The following VTI1A variants were observed in gnomAD, a reference collection of about 807,000 sequenced individuals.
The protein encoded by VTI1A is vesicle transport through interaction with t-SNAREs homolog 1A.
Under a neutral mutation model 34.9 loss-of-function variants are expected in VTI1A, and 22 were observed. The ratio of observed to expected loss-of-function variants is 0.63; its 90% CI spans 0.45 to 0.90. The LOEUF (loss-of-function observed/expected upper bound fraction) is 0.90. VTI1A is among the 40% of genes least tolerant of loss of function. The probability of loss-of-function intolerance (pLI) is 0.00; values close to 1 mark genes in which losing one functional copy is unlikely to be tolerated. For synonymous variants in VTI1A, 87 were observed against 97.3 expected, an observed-to-expected ratio of 0.89 and a Z score of 0.62; for missense variants, 268 against 275.6, an observed-to-expected ratio of 0.97 and a Z score of 0.20.
intron 7 of VTI1A, among the ~76,000 whole-genome samples, chr10:112,810,130 T>A (rs1853232668): frequency 6.6e-6 from 1 of 151,266 alleles, no homozygotes; most frequent in South Asian, 2.1e-4. Flanking sequence ...CGGCCTGGCA[T>A]GGTGGCTCAC....
intron 7 of VTI1A, among the ~76,000 whole-genome samples, chr10:112,783,776 G>A (rs1466781708): frequency 6.6e-6 from 1 of 152,216 alleles, no homozygotes; most frequent in Non-Finnish European, 1.5e-5. Flanking sequence ...GGAGGCAGGT[G>A]GTGACAAAGG....
intron 7 of VTI1A, chr10:112,737,621 G>T: frequency 9.5e-7 from 1 of 1,048,636 alleles, no homozygotes; most frequent in Non-Finnish European, 1.2e-6. Context: ...TGAAGGCAAA[G>T]CCTCTATGTG....
Position 112,637,443 on chromosome 10 carries a change from C to T in VTI1A, c.428-30775C>T, listed in dbSNP as rs529447021. On this transcript the variant is annotated intron_variant, in intron 5 of 7. Coordinates refer to ENST00000393077, the MANE Select transcript of VTI1A (RefSeq NM_145206.4). ...CAGCACTTTGGGAGGCCAAGGTGGG[C>T]GGATCACGAGGTCAAGAGATCCTGG... 2.6e-5 allele frequency among the ~76,000 whole-genome samples: 4 copies of T among 152,120 alleles called. No homozygotes were observed. The South Asian group carries it at 8.3e-4, about 31-fold the overall frequency.
At chr10:112,656,180 T>C (rs1034315964) in intron 5 of VTI1A, among the ~76,000 whole-genome samples, 9 of 152,100 alleles carry the variant, frequency 5.9e-5, no homozygotes, top group African/African-American at 2.2e-4. Context: ...CTGGGGTGTT[T>C]CGAGGAGAGG....
In VTI1A at chr10:112,767,772, G is replaced by A. The variant is rs1199099036; in HGVS notation, c.561-47518G>A. Among the ~76,000 whole-genome samples, 2 of 152,030 alleles carry A rather than the reference G, an allele frequency of 1.3e-5. No homozygotes were observed. The highest frequency in any genetic ancestry group is 6.5e-5 in the Admixed American group (1 of 15,270). ...TTTTAAAATTGTTTGAAGACCAATG[G>A]GACATGTAACTAACTTATTTTAAAC... On this transcript the variant is annotated intron_variant, in intron 7 of 7. Transcript: ENST00000393077. The surrounding 1 kb of genome is among the most constrained non-coding windows in gnomAD (Gnocchi z 4.0).
intron 5 of VTI1A, among the ~76,000 whole-genome samples, chr10:112,600,911 A>G (rs1023993682): frequency 6.6e-6 from 1 of 152,254 alleles, no homozygotes; most frequent in African/African-American, 2.4e-5. Context: ...CTAAGGCTTT[A>G]AAATATGCAA....
chr10:112,724,651 C>G (rs982721879), intron 7 of VTI1A, among the ~76,000 whole-genome samples: 1 of 152,048 alleles, frequency 6.6e-6, no homozygotes, highest in African/African-American at 2.4e-5. Flanking sequence ...TTCGCCCTCC[C>G]TCAGACCCCA....
intron 5 of VTI1A, among the ~76,000 whole-genome samples, chr10:112,610,675 G>C (rs995145491): frequency 2.0e-5 from 3 of 152,138 alleles, no homozygotes; most frequent in Admixed American, 6.5e-5. Flanking sequence ...CCAGCACTTT[G>C]GGAGGCCGAG....
intron 7 of VTI1A, among the ~76,000 whole-genome samples, chr10:112,750,424 C>A (rs1055074269): frequency 6.6e-6 from 1 of 152,132 alleles, no homozygotes; most frequent in Non-Finnish European, 1.5e-5. Context: ...CTGTGTTGCC[C>A]AGGCTGGTCT....
At chr10:112,551,746 G>T (rs929376666) in intron 5 of VTI1A, among the ~76,000 whole-genome samples, 4 of 152,190 alleles carry the variant, frequency 2.6e-5, no homozygotes, top group African/African-American at 9.6e-5. Flanking sequence ...GTCGGGGAAA[G>T]ACTTGAGAAA....
At chr10:112,530,148 C>T (rs1472934956) in intron 4 of VTI1A, among the ~76,000 whole-genome samples, 5 of 152,082 alleles carry the variant, frequency 3.3e-5, no homozygotes, top group African/African-American at 4.8e-5. Flanking sequence ...ATTTCTGATT[C>T]ATATTCATTT....
intron 7 of VTI1A, among the ~76,000 whole-genome samples, chr10:112,799,308 A>G (rs1212743574): frequency 6.6e-6 from 1 of 152,226 alleles, no homozygotes; most frequent in African/African-American, 2.4e-5. Context: ...CTGAAGGCCC[A>G]CAGGGTGAGT....
chr10:112,794,036 A>G (rs1431664262), intron 7 of VTI1A, among the ~76,000 whole-genome samples: 3 of 152,140 alleles, frequency 2.0e-5, no homozygotes, highest in Non-Finnish European at 2.9e-5. Context: ...TTCCACATAA[A>G]CTTTTATTTC....
intron 7 of VTI1A, chr10:112,752,696 G>T (rs1053058717): frequency 9.1e-6 from 4 of 441,238 alleles, no homozygotes; most frequent in Non-Finnish European, 1.2e-5. Context: ...AGGAAACTAT[G>T]GATTGTTTTC....
At chr10:112,570,877 T>G (rs1346070990) in intron 5 of VTI1A, among the ~76,000 whole-genome samples, 1 of 152,226 alleles carries the variant, frequency 6.6e-6, no homozygotes, top group Non-Finnish European at 1.5e-5. Context: ...ATAACAAACA[T>G]TTATTGAGTG....
intron 7 of VTI1A, among the ~76,000 whole-genome samples, chr10:112,804,433 A>T (rs1448433137): frequency 2.0e-5 from 3 of 152,182 alleles, no homozygotes; most frequent in African/African-American, 7.2e-5. Flanking sequence ...TTACAGAATG[A>T]TTTGCCAGCT....
rs184783030 is a variant in VTI1A, at chr10:112,651,599, G to A, written c.428-16619G>A. Reference sequence around the variant, plus strand: ...GCTGGGATTACAGGCGTAAGCCACCGTGCCTGGCCTGGAATAGCCCTTCTA... The same window carrying A: ...GCTGGGATTACAGGCGTAAGCCACCATGCCTGGCCTGGAATAGCCCTTCTA... On this transcript the variant is annotated intron_variant, in intron 5 of 7. Transcript: ENST00000393077. Among the ~76,000 whole-genome samples, 13 of 152,328 alleles carry A rather than the reference G, an allele frequency of 8.5e-5. No homozygotes were observed. The East Asian group carries it at 1.2e-3, about 14-fold the overall frequency.
chr10:112,612,178 G>T (rs1845342335), intron 5 of VTI1A, among the ~76,000 whole-genome samples: 1 of 152,076 alleles, frequency 6.6e-6, no homozygotes. Context: ...CTAAAAAAGT[G>T]TCTACTCTCA....
At chr10:112,567,849 T>C (rs1300299982) in intron 5 of VTI1A, among the ~76,000 whole-genome samples, 1 of 152,340 alleles carries the variant, frequency 6.6e-6, no homozygotes, top group East Asian at 1.9e-4. Context: ...CTTAGATTAT[T>C]TGGATCTCTG....
Sources: allele counts gnomAD v4.1 joint callset (sites outside exome capture counted in the v4.1 genomes callset), GRCh38; gene constraint gnomAD v4.1.1; non-coding constraint Gnocchi (gnomAD v3.1); transcripts MANE v1.5; gene names NCBI Gene and HGNC (gene_info 2026-07-23, HGNC 2026-07-21).